The following KPLCE variants were observed in gnomAD, a reference collection of about 807,000 sequenced individuals.
KPLCE encodes the protein KPRP N-terminal and LCE C-terminal like protein.
chr1:152,719,823 A>G, the KPLCE span: 1 of 1,551,926 alleles, frequency 6.4e-7, no homozygotes, highest in Admixed American at 2.0e-5. Flanking sequence ...ACCTATGTAA[A>G]ATGCCCAACT....
the KPLCE span, chr1:152,720,036 G>C: frequency 2.6e-6 from 4 of 1,551,684 alleles, no homozygotes; most frequent in Admixed American, 3.9e-5. Flanking sequence ...AGCTACTGCT[G>C]TCTGGCTCCC....
the KPLCE span, chr1:152,719,947 C>T: frequency 1.5e-5 from 23 of 1,551,934 alleles, no homozygotes; most frequent in African/African-American, 4.1e-5. Flanking sequence ...CTTGCCAGAG[C>T]TATTATGTTC....
At chr1:152,720,247 T>G in the KPLCE span, 2 of 1,549,424 alleles carry the variant, frequency 1.3e-6, no homozygotes, top group African/African-American at 1.4e-5. Context: ...CTGCATGCTG[T>G]GACCATGAGG....
the KPLCE span, chr1:152,719,781 C>T: frequency 6.4e-7 from 1 of 1,552,036 alleles, no homozygotes; most frequent in East Asian, 2.4e-5. Context: ...CCCTGCCAAA[C>T]CTATGTGAAG....
chr1:152,719,827 C>T, the KPLCE span: 3 of 1,551,300 alleles, frequency 1.9e-6, no homozygotes, highest in Non-Finnish European at 2.6e-6. Context: ...ATGTAAAATG[C>T]CCAACTCCCT....
the KPLCE span, chr1:152,720,043 T>C: frequency 1.3e-6 from 2 of 1,551,576 alleles, no homozygotes; most frequent in Non-Finnish European, 1.7e-6. Flanking sequence ...GCTGTCTGGC[T>C]CCCCGGACCT....
At chr1:152,720,336 C>A in the KPLCE span, 5 of 1,327,366 alleles carry the variant, frequency 3.8e-6, no homozygotes, top group Middle Eastern at 4.0e-4. Flanking sequence ...CATGCACCAG[C>A]TTCTGGCCCC....
chr1:152,720,231 G>T, the KPLCE span: 1 of 1,551,290 alleles, frequency 6.4e-7, no homozygotes, highest in African/African-American at 1.4e-5. Context: ...ATGAGGTCCC[G>T]AGGTCCTGCA....
the KPLCE span, chr1:152,719,890 T>G: frequency 6.4e-7 from 1 of 1,552,078 alleles, no homozygotes; most frequent in Non-Finnish European, 8.7e-7. Flanking sequence ...ACATCAAAAG[T>G]CCAGCTCCCT....
chr1:152,719,577 G>T, the KPLCE span: 2 of 1,551,872 alleles, frequency 1.3e-6, no homozygotes, highest in Non-Finnish European at 1.7e-6. Context: ...AAAGGTTCGG[G>T]ACTAGGGGCT....
the KPLCE span, chr1:152,719,523 T>C: frequency 6.4e-7 from 1 of 1,551,064 alleles, no homozygotes; most frequent in Non-Finnish European, 8.7e-7. Context: ...CACAGAACAA[T>C]GTGTGACCAG....
chr1:152,720,108 G>A, the KPLCE span: 3 of 1,551,720 alleles, frequency 1.9e-6, no homozygotes, highest in East Asian at 2.4e-5. Context: ...TGCAACACAG[G>A]ATCATCTGGC....
the KPLCE span, chr1:152,719,900 T>C: frequency 6.4e-7 from 1 of 1,552,300 alleles, no homozygotes; most frequent in East Asian, 2.4e-5. Flanking sequence ...TCCAGCTCCC[T>C]GCCAGACCCA....
At chr1:152,720,441 A>C in the KPLCE span, 2 of 605,860 alleles carry the variant, frequency 3.3e-6, no homozygotes, top group Admixed American at 3.1e-5. Flanking sequence ...TACAGTCCCC[A>C]AACTTTGGCA....
chr1:152,719,856 G>T, the KPLCE span: 1 of 1,552,080 alleles, frequency 6.4e-7, no homozygotes, highest in Non-Finnish European at 8.7e-7. Context: ...TACGTGAAGT[G>T]CCCAGCTCCC....
the KPLCE span, chr1:152,719,978 A>C: frequency 6.4e-7 from 1 of 1,551,734 alleles, no homozygotes; most frequent in South Asian, 1.2e-5. Flanking sequence ...AAGTGGCTCA[A>C]CCTCCCAGTA....
At chr1:152,719,911 G>C in the KPLCE span, 5 of 1,552,118 alleles carry the variant, frequency 3.2e-6, no homozygotes, top group Non-Finnish European at 4.4e-6. Flanking sequence ...GCCAGACCCA[G>C]ACGTGCTATG....
the KPLCE span, chr1:152,720,248 G>T: frequency 6.5e-7 from 1 of 1,548,874 alleles, no homozygotes; most frequent in South Asian, 1.2e-5. Context: ...TGCATGCTGT[G>T]ACCATGAGGA....
At chr1:152,719,716 A>G in the KPLCE span, 2 of 1,551,992 alleles carry the variant, frequency 1.3e-6, no homozygotes, top group Admixed American at 3.9e-5. Flanking sequence ...GCCAGACTCA[A>G]ACCTACGTGA....
Sources: gnomAD v4.1 joint callset for allele counts on GRCh38, gnomAD v4.1.1 for gene constraint, MANE v1.5 for transcripts, NCBI Gene and HGNC (gene_info 2026-07-23, HGNC 2026-07-21) for gene names.